The following TNKS2 variants were observed in gnomAD, a reference collection of about 807,000 sequenced individuals.
TNKS2 encodes tankyrase 2, also known as poly [ADP-ribose] polymerase tankyrase-2.
Under a neutral mutation model 137.6 loss-of-function variants are expected in TNKS2, and 72 were observed. The observed-to-expected ratio is 0.52, with a 90% CI of 0.43 to 0.64. TNKS2 has a LOEUF of 0.64. Ranked by LOEUF, TNKS2 falls within the 30% of genes least tolerant of loss-of-function variation. TNKS2 has a pLI of 0.00. For synonymous variants in TNKS2, 516 were observed against 512.1 expected, an observed-to-expected ratio of 1.01 and a Z score of -0.10; for missense variants, 1,049 against 1,410.2, an observed-to-expected ratio of 0.74 and a Z score of 4.10.
chr10:91,836,780 C>A, intron 12 of TNKS2, 139 bp from the exon 13 acceptor site: 2 of 1,396,314 alleles, frequency 1.4e-6, no homozygotes. Flanking sequence ...CCCTCACCCC[C>A]CTTACTACCA....
At chr10:91,832,975 A>T (rs1043340164) in intron 11 of TNKS2, among the ~76,000 whole-genome samples, 5 of 152,158 alleles carry the variant, frequency 3.3e-5, no homozygotes, top group Non-Finnish European at 7.3e-5. Context: ...CACACATTTC[A>T]AAGTAATCTG....
chr10:91,833,103 G>A lies in TNKS2; in HGVS notation c.1276-750G>A, dbSNP rs116449783. ...ATGCAGAGATCTTAAATGGATATTTGCTGAATTTTGACTAGTATATACACC... is the reference window on the plus strand; with the variant it reads ...ATGCAGAGATCTTAAATGGATATTTACTGAATTTTGACTAGTATATACACC... On this transcript the variant is annotated intron_variant, in intron 11 of 26. Coordinates refer to ENST00000371627, the MANE Select transcript of TNKS2 (RefSeq NM_025235.4). Among the ~76,000 whole-genome samples the A allele has an allele frequency of 3.3e-3, 509 of 152,208 alleles. 2 individuals are homozygous for A. The highest frequency in any genetic ancestry group is 0.011 in the African/African-American group (477 of 41,530).
intron 4 of TNKS2, 31 bp from the exon 5 acceptor site, chr10:91,819,451 G>T: frequency 1.3e-6 from 2 of 1,532,292 alleles, no homozygotes; most frequent in East Asian, 2.4e-5. Flanking sequence ...GATGAAGAAT[G>T]CAAATTACTA....
intron 12 of TNKS2, chr10:91,836,490 C>G (rs1842021678): frequency 3.7e-6 from 1 of 273,180 alleles, no homozygotes; most frequent in Non-Finnish European, 5.6e-6. Context: ...GTCTTTAGAA[C>G]TGAAAAAATC....
At chr10:91,844,409 ATG>A (rs1446602077) in intron 16 of TNKS2, among the ~76,000 whole-genome samples, 2 of 152,156 alleles carry the variant, frequency 1.3e-5, no homozygotes, top group Non-Finnish European at 2.9e-5. Context: ...ACTTGCAGAG[ATG>A]TGTACCTCTG....
intron 1 of TNKS2, among the ~76,000 whole-genome samples, chr10:91,807,776 C>T (rs922281174): frequency 2.0e-5 from 3 of 152,052 alleles, no homozygotes; most frequent in Admixed American, 6.6e-5. Flanking sequence ...GAGCGGCTCA[C>T]GAGGTCAGGA....
At chr10:91,845,978 C>G in intron 18 of TNKS2, 38 bp downstream of exon 18, 2 of 1,454,622 alleles carry the variant, frequency 1.4e-6, no homozygotes, top group Non-Finnish European at 1.8e-6. Context: ...CAGTGCTTTT[C>G]TGACTTGTTA....
chr10:91,831,077 T>C, intron 10 of TNKS2, 26 bp from the exon 11 acceptor site: 3 of 1,613,410 alleles, frequency 1.9e-6, no homozygotes, highest in Non-Finnish European at 2.5e-6. Flanking sequence ...ATATATTCAC[T>C]GTCTGGCTGA....
At chr10:91,851,611 A>G (rs939575732) in intron 21 of TNKS2, among the ~76,000 whole-genome samples, 3 of 152,160 alleles carry the variant, frequency 2.0e-5, no homozygotes, top group Admixed American at 1.3e-4. Context: ...TTAGTTTGAG[A>G]TTATTTTCTG....
intron 1 of TNKS2, among the ~76,000 whole-genome samples, chr10:91,801,536 CG>C (rs1564599257): frequency 2.0e-5 from 3 of 151,730 alleles, no homozygotes; most frequent in Non-Finnish European, 4.4e-5. Context: ...TGCAGCGTCA[CG>C]ATCTCAGCTC....
chr10:91,863,995 A>T lies in TNKS2; in HGVS notation c.*996A>T, dbSNP rs1354690679. On this transcript the variant is annotated 3_prime_UTR_variant, in exon 27 of 27. Transcript: ENST00000371627. ...CTTAAATCTAAAGGGGAAAAAAAAA[A>T]TCACAAACAGGACTGGGTAGTTTTT... The T allele has an allele frequency of 6.6e-6, 1 of 152,106 alleles. No homozygotes were observed. Among genetic ancestry groups the T allele is most frequent in the African/African-American group, 2.4e-5 (1 of 41,408 alleles). 9.4% of individuals were successfully genotyped at this position (152,106 alleles called of 1,614,324 possible). A position where few individuals can be genotyped will look rare whatever the true frequency, so the allele number is the denominator to read the frequency against.
At chr10:91,850,090 G>C (rs966529892) in intron 20 of TNKS2, among the ~76,000 whole-genome samples, 36 of 152,340 alleles carry the variant, frequency 2.4e-4, no homozygotes, top group African/African-American at 8.2e-4. Context: ...ATATGGCCGG[G>C]TGCAGTGGCT....
At chr10:91,862,340 A>G (rs1440653631) in intron 26 of TNKS2, among the ~76,000 whole-genome samples, 185 bp downstream of exon 26, 1 of 152,206 alleles carries the variant, frequency 6.6e-6, no homozygotes, top group African/African-American at 2.4e-5. Flanking sequence ...ACCTTTACCT[A>G]GATTTCCTAA....
chr10:91,844,885 C>T lies in TNKS2; in HGVS notation c.2060-34C>T, dbSNP rs976143707. 2.7e-6 allele frequency: 4 copies of T among 1,472,182 alleles called. No homozygotes were observed. The African/African-American group carries it at 5.7e-5, about 21-fold the overall frequency. 91.2% of individuals were successfully genotyped at this position (1,472,182 alleles called of 1,614,324 possible). A position where few individuals can be genotyped will look rare whatever the true frequency, so the allele number is the denominator to read the frequency against. Reference sequence around the variant, plus strand: ...TGACATAGGACTAAAAAAGAAAAAACAAGTAAAGTAATTTTACTTCTTTTC... The same window carrying T: ...TGACATAGGACTAAAAAAGAAAAAATAAGTAAAGTAATTTTACTTCTTTTC... On this transcript the variant is annotated intron_variant, in intron 16 of 26. Transcript: ENST00000371627.
chr10:91,803,885 T>C (rs1564600517), intron 1 of TNKS2, among the ~76,000 whole-genome samples: 1 of 152,184 alleles, frequency 6.6e-6, no homozygotes, highest in Non-Finnish European at 1.5e-5. Flanking sequence ...AATTGTGTTA[T>C]CAGTGATTAA....
intron 21 of TNKS2, among the ~76,000 whole-genome samples, chr10:91,852,384 C>T (rs962656974): frequency 1.3e-5 from 2 of 151,106 alleles, no homozygotes; most frequent in African/African-American, 4.9e-5. Context: ...GGTGAAACCC[C>T]ATCTGTACTA....
Position 91,857,534 on chromosome 10 carries a change from A to G in TNKS2, c.3094+4A>G, listed in dbSNP as rs1842743053. ...AATGAACGAATGCTATTTCATGGTA[A>G]GATTCCTCCCCACCAACTCTACCAC... On this transcript the variant is annotated splice_donor_region_variant and intron_variant, in intron 24 of 26. Coordinates refer to ENST00000371627, the MANE Select transcript of TNKS2 (RefSeq NM_025235.4). 5 of 1,600,238 alleles carry G rather than the reference A, an allele frequency of 3.1e-6. No individual in the cohort carries two copies. In the South Asian group the frequency reaches 5.6e-5, roughly 18 times the overall value.
At position 91,848,429 on chromosome 10, in the gene TNKS2, C is replaced by T. The variant is rs1434364465; in HGVS notation, c.2405C>T (p.Ala802Val). ...CTGACAGCAGCCATGCCCCCATCTGCTCTGCCCTCTTGTTACAAGCCTCAA... is the reference window on the plus strand; with the variant it reads ...CTGACAGCAGCCATGCCCCCATCTGTTCTGCCCTCTTGTTACAAGCCTCAA... The part of the protein sequence containing the change: ...ALLTAAMPPS[A>V]LPSCYKPQVL... The change falls in exon 19 of 27, where the codon GCT becomes GTT. Residue 802 changes from alanine to valine, a missense_variant. By Grantham distance (64) the Ala-to-Val change is moderately conservative (BLOSUM62 0). Around this residue, in one of 6 missense-constraint regions of TNKS2, gnomAD observed 208 missense variants for 231.2 expected, o/e 0.90. Coordinates refer to ENST00000371627, the MANE Select transcript of TNKS2 (RefSeq NM_025235.4). The T allele has an allele frequency of 6.2e-7, 1 of 1,614,216 alleles. No homozygotes were observed. Among genetic ancestry groups the T allele is most frequent in the South Asian group, 1.1e-5 (1 of 91,088 alleles).
At chr10:91,813,305 A>G in intron 2 of TNKS2, 98 bp downstream of exon 2, 1 of 1,030,924 alleles carries the variant, frequency 9.7e-7, no homozygotes, top group Non-Finnish European at 1.4e-6. Flanking sequence ...GTCAAGCTGA[A>G]TTTAAATATT....
Sources: allele counts gnomAD v4.1 joint callset (sites outside exome capture counted in the v4.1 genomes callset), GRCh38; gene constraint gnomAD v4.1.1; regional missense constraint gnomAD v4.1.1; transcripts MANE v1.5; gene names NCBI Gene and HGNC (gene_info 2026-07-23, HGNC 2026-07-21).